Variants in ZEB2 observed in about 807,000 individuals in gnomAD.
ZEB2 encodes zinc finger E-box binding homeobox 2.
In ZEB2, 6 loss-of-function variants were observed where a neutral mutation model predicts 99.9. That is an observed-to-expected ratio of 0.06 (90% CI 0.03 to 0.12). ZEB2 has a LOEUF of 0.12. Among genes scored for constraint, ZEB2 ranks in the 10% least tolerant of loss-of-function variants. ZEB2 has a pLI of 1.00. For missense variants in ZEB2, 969 were observed against 1,502.8 expected, an observed-to-expected ratio of 0.64 and a Z score of 5.87; for synonymous variants, 517 against 542.5, an observed-to-expected ratio of 0.95 and a Z score of 0.65.
At chr2:144,513,642 C>T (rs1705081154) in intron 2 of ZEB2, 7 of 1,533,664 alleles carry the variant, frequency 4.6e-6, no homozygotes, top group Non-Finnish European at 8.7e-7. Context: ...TCTTCCCGGG[C>T]TCCGTGGGAG....
chr2:144,497,975 T>A lies in ZEB2; in HGVS notation c.73+19303A>T, dbSNP rs28366657. On this transcript the variant is annotated intron_variant, in intron 2 of 9. Transcript: ENST00000627532. ...ATATAATATATATTAATATTATATA[T>A]TATATAATATATTAATATTATATAT... Among the ~76,000 whole-genome samples, 16 of 1,764 alleles carry A rather than the reference T, an allele frequency of 9.1e-3. 4 individuals carry two copies. The highest frequency in any genetic ancestry group is 0.022 in the African/African-American group (13 of 590). The allele number at this position is 1,764 out of a possible 152,430, so 1.2% of individuals were successfully genotyped here.
chr2:144,429,306 A>ATAGGAGGTGTCAGAC (rs1160051004), intron 3 of ZEB2: 2 of 182,486 alleles, frequency 1.1e-5, no homozygotes, highest in Non-Finnish European at 2.3e-5. Context: ...TTGAATTCCA[A>ATAGGAGGTGTCAGAC]TAGGAGGTGT....
chr2:144,479,682 T>TGGGGGGGGG (rs140945730), intron 2 of ZEB2, among the ~76,000 whole-genome samples: 7 of 29,838 alleles, frequency 2.3e-4, no homozygotes, highest in East Asian at 8.8e-4. Context: ...CTACTTTTTT[T>TGGGGGGGGG]TGGGGGGGGG....
At chr2:144,512,474 A>C (rs904679957) in intron 2 of ZEB2, 2 of 1,287,068 alleles carry the variant, frequency 1.6e-6, no homozygotes, top group African/African-American at 1.5e-5. Context: ...ACCTCTTGGA[A>C]TTTTCTTTAA....
At chr2:144,498,556 G>A (rs755255336) in intron 2 of ZEB2, among the ~76,000 whole-genome samples, 1 of 152,250 alleles carries the variant, frequency 6.6e-6, no homozygotes, top group South Asian at 2.1e-4. Flanking sequence ...GCAAGAGCTG[G>A]TGAAAGGAGA....
chr2:144,456,142 T>C (rs982247113), intron 2 of ZEB2, among the ~76,000 whole-genome samples: 1 of 152,152 alleles, frequency 6.6e-6, no homozygotes, highest in Non-Finnish European at 1.5e-5. Context: ...AGCATTTTAT[T>C]TTCCACAGTT....
chr2:144,481,297 C>T (rs1216236404), intron 2 of ZEB2, among the ~76,000 whole-genome samples: 2 of 152,158 alleles, frequency 1.3e-5, no homozygotes, highest in East Asian at 1.9e-4. Context: ...CAGCCCACTC[C>T]GGAGGGCTGC....
rs769741228 is a variant in ZEB2 at position 144,429,812 on chromosome 2, G to A, written c.288C>T (p.Pro96=). ...CTTGTAGAATCTCGTTGTTGTGCCA[G>A]GGGTGTTCCACTCCACCCTCCCTTA... ...DEIREGGVEH[P]WHNNEILQAS... The change falls in exon 3 of 10, where the codon CCC becomes CCT. Residue 96 remains proline (P), a synonymous_variant. Coordinates refer to ENST00000627532, the MANE Select transcript of ZEB2 (RefSeq NM_014795.4). 17 of 1,613,858 alleles carry A rather than the reference G, an allele frequency of 1.1e-5. 1 individual carries two copies. The South Asian group carries it at 1.5e-4, about 15-fold the overall frequency.
intron 2 of ZEB2, among the ~76,000 whole-genome samples, chr2:144,506,522 T>C (rs1437206546): frequency 6.6e-6 from 1 of 152,222 alleles, no homozygotes; most frequent in African/African-American, 2.4e-5. Flanking sequence ...TTGATGTGCA[T>C]GGTGTCTAAA....
intron 2 of ZEB2, among the ~76,000 whole-genome samples, chr2:144,504,979 G>C (rs1158926501): frequency 6.6e-6 from 1 of 152,118 alleles, no homozygotes; most frequent in Non-Finnish European, 1.5e-5. Context: ...CCTGCTGTCA[G>C]GATCACCACT....
intron 6 of ZEB2, 58 bp from the exon 7 acceptor site, chr2:144,401,365 T>C: frequency 6.4e-7 from 1 of 1,571,562 alleles, no homozygotes; most frequent in Non-Finnish European, 8.8e-7. Context: ...GAAAATTTGT[T>C]ACAAATATTT....
At position 144,519,990 on chromosome 2, in the gene ZEB2, T is replaced by A. The variant is rs779756435; in HGVS notation, c.-121A>T. On this transcript the variant is annotated 5_prime_UTR_variant, in exon 1 of 10. An upstream start codon of the reference 5' UTR is lost. Transcript: ENST00000627532. Reference sequence around the variant, plus strand: ...CCAGAAATGGTGAGAAGAAAAAGCATGAAGAAGCCGCGAAGTGTGGGGGAG... The same window carrying A: ...CCAGAAATGGTGAGAAGAAAAAGCAAGAAGAAGCCGCGAAGTGTGGGGGAG... 2.2e-6 allele frequency: 1 copy of A among 454,294 alleles called. No individual in the cohort carries two copies. The highest frequency in any genetic ancestry group is 4.4e-6 in the Non-Finnish European group (1 of 226,780). The allele number at this position is 454,294 out of a possible 1,614,324, so 28.1% of individuals were successfully genotyped here.
intron 4 of ZEB2, 108 bp downstream of exon 4, chr2:144,424,688 T>C (rs1175776758): frequency 2.3e-6 from 3 of 1,332,170 alleles, no homozygotes; most frequent in Non-Finnish European, 3.2e-6. Flanking sequence ...GTTGACTACT[T>C]GTTAAGTCAT....
chr2:144,435,266 A>G (rs947784686), intron 2 of ZEB2, among the ~76,000 whole-genome samples: 3 of 152,096 alleles, frequency 2.0e-5, no homozygotes, highest in African/African-American at 4.8e-5. Flanking sequence ...CAGACATGTA[A>G]CTTCATTTTA....
chr2:144,414,279 G>C (rs1703505306), intron 4 of ZEB2, among the ~76,000 whole-genome samples: 1 of 152,286 alleles, frequency 6.6e-6, no homozygotes, highest in Middle Eastern at 3.4e-3. Flanking sequence ...TATTTTGTGA[G>C]ACATGAACAG....
intron 2 of ZEB2, among the ~76,000 whole-genome samples, chr2:144,446,612 G>A (rs772233649): frequency 1.6e-4 from 25 of 152,046 alleles, no homozygotes; most frequent in Non-Finnish European, 2.6e-4. Context: ...ATGGGTATTC[G>A]TAGATCCCAG....
At chr2:144,396,148 T>A (rs1703226922) in intron 9 of ZEB2, among the ~76,000 whole-genome samples, 1 of 152,230 alleles carries the variant, frequency 6.6e-6, no homozygotes, top group Non-Finnish European at 1.5e-5. Flanking sequence ...GCCCTGGCCA[T>A]CTGACTGTCC....
chr2:144,458,891 A>G (rs1704156241), intron 2 of ZEB2, among the ~76,000 whole-genome samples: 2 of 152,206 alleles, frequency 1.3e-5, no homozygotes, highest in Admixed American at 6.5e-5. Flanking sequence ...GATACCAAGA[A>G]TAAAGAATTG....
At chr2:144,450,067 C>CATTGTATTACCACTGGA (rs543178823) in intron 2 of ZEB2, 25 of 152,030 alleles carry the variant, frequency 1.6e-4, no homozygotes, top group African/African-American at 5.6e-4. Flanking sequence ...GGAATTAATA[C>CATTGTATTACCACTGGA]ATTGTATTAC....
Sources: gnomAD v4.1 joint callset for allele counts (sites outside exome capture counted in the v4.1 genomes callset) on GRCh38, gnomAD v4.1.1 for gene constraint, MANE v1.5 for transcripts, NCBI Gene and HGNC (gene_info 2026-07-23, HGNC 2026-07-21) for gene names.